The following TRERF1 variants were observed in gnomAD, a reference collection of about 807,000 sequenced individuals.
TRERF1 encodes the protein transcriptional-regulating factor 1.
TRERF1 carries 27 observed loss-of-function variants against 122.9 expected under a neutral mutation model. The ratio of observed to expected loss-of-function variants is 0.22; its 90% CI spans 0.16 to 0.30. The LOEUF is 0.30. Ranked by LOEUF, TRERF1 falls within the 10% of genes least tolerant of loss-of-function variation. The probability of loss-of-function intolerance (pLI) is 1.00; values close to 1 mark genes in which losing one functional copy is unlikely to be tolerated. For missense variants in TRERF1, 1,248 were observed against 1,560.3 expected (o/e 0.80, Z 3.37); for synonymous variants, 636 against 641.7 (o/e 0.99, Z 0.13).
At chr6:42,433,529 C>G (rs889882590) in intron 2 of TRERF1, among the ~76,000 whole-genome samples, 9 of 152,084 alleles carry the variant, frequency 5.9e-5, no homozygotes, top group Middle Eastern at 3.2e-3. Flanking sequence ...CCTTCTTGTA[C>G]CATTGTACAG....
At position 42,268,390 on chromosome 6, in the gene TRERF1, G is replaced by C; in HGVS notation, c.1201C>G (p.Gln401Glu). 2.6e-6 allele frequency: 4 copies of C among 1,543,076 alleles called. No individual in the cohort carries two copies. Among genetic ancestry groups the C allele is most frequent in the Non-Finnish European group, 3.5e-6 (4 of 1,146,114 alleles). The change falls in exon 5 of 18, where the codon CAG (glutamine) becomes GAG (glutamate). Residue 401 changes from glutamine to glutamate, a missense_variant. Coordinates refer to ENST00000372922, the Ensembl canonical transcript of TRERF1. The surrounding 1 kb of genome is among the most constrained non-coding windows in gnomAD (Gnocchi z 4.4). ...GTCTTCAGCTGACTGTCCTCACGCT[G>C]CTGGTGCTGGGACAGGTGGCTCTGC...
rs1188844401 is a variant in TRERF1 at position 42,263,050 on chromosome 6, T to C, written c.1884+270A>G. ...TTAAACCTGGGAACACTTTCGGGTC[T>C]CTCAGAATCTAACCTAGGCCATTAG... On this transcript the variant is annotated intron_variant, in intron 8 of 17. Coordinates refer to ENST00000372922, the Ensembl canonical transcript of TRERF1. This position sits in a 1 kb window ranked among gnomAD's most constrained non-coding sequence, Gnocchi z 5.6. 6.6e-6 allele frequency among the ~76,000 whole-genome samples: 1 copy of C among 152,214 alleles called. No homozygotes were observed. The highest frequency in any genetic ancestry group is 2.4e-5 in the African/African-American group (1 of 41,446).
At position 42,232,537 on chromosome 6, in the gene TRERF1, C is replaced by T; in HGVS notation, c.3278+144G>A. On this transcript the variant is annotated intron_variant, in intron 17 of 17. Transcript: ENST00000372922. This position sits in a 1 kb window ranked among gnomAD's most constrained non-coding sequence, Gnocchi z 4.5. Reference sequence around the variant, plus strand: ...CTGAGTCTGCAACAGGACTACATACCCATCCCAAAGATGACACGAAGAAGA... The same window carrying T: ...CTGAGTCTGCAACAGGACTACATACTCATCCCAAAGATGACACGAAGAAGA... 9.5e-7 allele frequency: 1 copy of T among 1,054,498 alleles called. No individual in the cohort carries two copies. Among genetic ancestry groups the T allele is most frequent in the Non-Finnish European group, 1.3e-6 (1 of 751,578 alleles). 65.3% of individuals were successfully genotyped at this position (1,054,498 alleles called of 1,614,324 possible). A position where few individuals can be genotyped will look rare whatever the true frequency, so the allele number is the denominator to read the frequency against.
intron 2 of TRERF1, among the ~76,000 whole-genome samples, chr6:42,367,034 G>C (rs898929454): frequency 6.6e-6 from 1 of 152,226 alleles, no homozygotes; most frequent in African/African-American, 2.4e-5. Context: ...AGTCACAGGA[G>C]CACTGGAGTC....
chr6:42,435,193 G>A (rs1354210448), intron 2 of TRERF1, among the ~76,000 whole-genome samples: 2 of 152,002 alleles, frequency 1.3e-5, no homozygotes, highest in Admixed American at 1.3e-4. Context: ...TGTCTTCTGG[G>A]GTTTCATAGA....
chr6:42,296,596 C>T (rs192759692), intron 4 of TRERF1, among the ~76,000 whole-genome samples: 2 of 152,306 alleles, frequency 1.3e-5, no homozygotes, highest in Admixed American at 1.3e-4. Flanking sequence ...TAGGTTCAAA[C>T]TCAGCTCTTT....
In TRERF1 at chr6:42,259,830, T is replaced by G; in HGVS notation, c.1885-107A>C. ...CTACTGTCTAAGCAGAGAGCCCTTC[T>G]GCTTGACCCCCCCACCCCCAACGCC... On this transcript the variant is annotated intron_variant, in intron 8 of 17. Transcript: ENST00000372922. The surrounding 1 kb of genome is among the most constrained non-coding windows in gnomAD (Gnocchi z 4.9). The G allele has an allele frequency of 6.7e-7, 1 of 1,486,722 alleles. No homozygotes were observed. Among genetic ancestry groups the G allele is most frequent in the Non-Finnish European group, 9.0e-7 (1 of 1,110,804 alleles). 92.1% of individuals were successfully genotyped at this position (1,486,722 alleles called of 1,614,324 possible).
intron 2 of TRERF1, among the ~76,000 whole-genome samples, chr6:42,440,058 G>A (rs566625276): frequency 1.3e-5 from 2 of 152,152 alleles, no homozygotes; most frequent in Non-Finnish European, 2.9e-5. Flanking sequence ...GCCACCCACC[G>A]TGGCCTGGCA....
intron 3 of TRERF1, among the ~76,000 whole-genome samples, chr6:42,307,276 A>T (rs998292773): frequency 2.0e-5 from 3 of 152,136 alleles, no homozygotes; most frequent in Admixed American, 6.6e-5. Flanking sequence ...TCCTTTCATT[A>T]AGTGCTCCCC....
intron 4 of TRERF1, among the ~76,000 whole-genome samples, chr6:42,293,513 C>T (rs1488838559): frequency 1.3e-5 from 2 of 152,128 alleles, no homozygotes; most frequent in Non-Finnish European, 2.9e-5. Flanking sequence ...AAGAAACAAA[C>T]TCCTATTTGT....
At chr6:42,329,211 C>T (rs1764807811) in intron 3 of TRERF1, among the ~76,000 whole-genome samples, 1 of 152,060 alleles carries the variant, frequency 6.6e-6, no homozygotes, top group Non-Finnish European at 1.5e-5. Flanking sequence ...TGGACAGGAA[C>T]AGCCCCTCCT....
intron 4 of TRERF1, among the ~76,000 whole-genome samples, chr6:42,292,830 G>A (rs1053978199): frequency 9.9e-5 from 15 of 152,188 alleles, no homozygotes; most frequent in African/African-American, 3.6e-4. Flanking sequence ...GTTAGAAGGG[G>A]TGGGCCCTGT....
At chr6:42,262,539 GAGAGAGAGAGAGAGAGAGAGAGA>G in intron 8 of TRERF1, among the ~76,000 whole-genome samples, 1 of 73,848 alleles carries the variant, frequency 1.4e-5, no homozygotes, top group South Asian at 6.7e-4. Flanking sequence ...GAGAGAGAGA[GAGAGAGAGAGAGAGAGAGAGAGA>G]GAGAGAGAGA....
intron 3 of TRERF1, among the ~76,000 whole-genome samples, chr6:42,324,467 A>G (rs766227848): frequency 7.9e-5 from 12 of 152,226 alleles, no homozygotes; most frequent in Non-Finnish European, 1.5e-4. Context: ...CAAAAAGAAC[A>G]AAGCTGAAGG....
intron 2 of TRERF1, among the ~76,000 whole-genome samples, chr6:42,435,943 G>A (rs1785269776): frequency 6.6e-6 from 1 of 151,918 alleles, no homozygotes; most frequent in African/African-American, 2.4e-5. Flanking sequence ...TTGCACCACT[G>A]CACTCCAGCC....
exon 18 of TRERF1, chr6:42,225,720 T>C (rs1769419933): frequency 1.3e-5 from 2 of 152,190 alleles, no homozygotes; most frequent in Admixed American, 6.5e-5. Flanking sequence ...TCCTTTTTAT[T>C]ACATTAATTT....
intron 2 of TRERF1, among the ~76,000 whole-genome samples, chr6:42,389,096 A>G (rs967659336): frequency 3.9e-5 from 6 of 152,226 alleles, no homozygotes; most frequent in African/African-American, 9.6e-5. Context: ...AATTGGAGAG[A>G]GGGGGTACTT....
In TRERF1 at chr6:42,232,937, G is replaced by T; in HGVS notation, c.3067-45C>A. 6.6e-7 allele frequency: 1 copy of T among 1,525,852 alleles called. No individual in the cohort carries two copies. Among genetic ancestry groups the T allele is most frequent in the East Asian group, 2.4e-5 (1 of 41,686 alleles). 94.5% of individuals were successfully genotyped at this position (1,525,852 alleles called of 1,614,324 possible). A position where few individuals can be genotyped will look rare whatever the true frequency, so the allele number is the denominator to read the frequency against. ...ACATGACATCTACAGTCCTGAAAAG[G>T]AAATTAGGGTTATTAGTTACTCAGT... On this transcript the variant is annotated intron_variant, in intron 16 of 17. Coordinates refer to ENST00000372922, the Ensembl canonical transcript of TRERF1. This position sits in a 1 kb window ranked among gnomAD's most constrained non-coding sequence, Gnocchi z 4.5.
chr6:42,386,829 G>A (rs758666236), intron 2 of TRERF1, among the ~76,000 whole-genome samples: 4 of 152,276 alleles, frequency 2.6e-5, no homozygotes, highest in African/African-American at 7.2e-5. Context: ...GATGAGATGC[G>A]CAGCAACTAA....
Sources: allele counts gnomAD v4.1 joint callset (sites outside exome capture counted in the v4.1 genomes callset), GRCh38; gene constraint gnomAD v4.1.1; non-coding constraint Gnocchi (gnomAD v3.1); transcripts MANE v1.5; gene names NCBI Gene and HGNC (gene_info 2026-07-23, HGNC 2026-07-21).